The following PTPRO variants were observed in gnomAD, a reference collection of about 807,000 sequenced individuals.
The protein encoded by PTPRO is protein tyrosine phosphatase receptor type O.
A neutral mutation model predicts 145.2 loss-of-function variants in PTPRO; 62 were observed. The observed-to-expected ratio is 0.43, with a 90% confidence interval of 0.35 to 0.53. The LOEUF is 0.53. PTPRO is among the 20% of genes least tolerant of loss of function. The probability of loss-of-function intolerance (pLI) is 0.01; values close to 1 mark genes in which losing one functional copy is unlikely to be tolerated. For missense variants in PTPRO, 1,345 were observed against 1,482.7 expected, an observed-to-expected ratio of 0.91 and a Z score of 1.53; for synonymous variants, 565 against 514.7, an observed-to-expected ratio of 1.10 and a Z score of -1.32.
intron 1 of PTPRO, among the ~76,000 whole-genome samples, chr12:15,405,598 G>C (rs1317840053): frequency 6.6e-6 from 1 of 152,102 alleles, no homozygotes; most frequent in East Asian, 1.9e-4. Context: ...TCCATGAGGG[G>C]AGAAGATAAC....
intron 14 of PTPRO, 30 bp downstream of exon 14, chr12:15,549,256 T>C: frequency 6.5e-7 from 1 of 1,531,996 alleles, no homozygotes; most frequent in African/African-American, 1.4e-5. Flanking sequence ...TATAATTTTC[T>C]CACTTTTTTT....
At chr12:15,574,796 CAGTAAT>C (rs1358215103) in intron 19 of PTPRO, among the ~76,000 whole-genome samples, 11 of 152,108 alleles carry the variant, frequency 7.2e-5, no homozygotes, top group Admixed American at 7.2e-4. Flanking sequence ...GATTCAGAAA[CAGTAAT>C]AGTTATGCTT....
At position 15,497,420 on chromosome 12, in the gene PTPRO, A is replaced by T. The variant is rs1942129465; in HGVS notation, c.508+17A>T. On this transcript the variant is annotated intron_variant, in intron 3 of 26. Coordinates refer to ENST00000281171, the MANE Select transcript of PTPRO (RefSeq NM_030667.3). ...TATATAAAGGTAAGCAGCAAAAGGA[A>T]AGCTGAATCAATGATGACCCTCACT... The T allele has an allele frequency of 1.9e-6, 3 of 1,610,638 alleles. No homozygotes were observed. The highest frequency in any genetic ancestry group is 2.7e-5 in the African/African-American group (2 of 74,872).
chr12:15,463,510 T>G (rs1333019391), intron 1 of PTPRO, among the ~76,000 whole-genome samples: 1 of 152,112 alleles, frequency 6.6e-6, no homozygotes, highest in Non-Finnish European at 1.5e-5. Context: ...AGGAAACAAT[T>G]GAGATATTTA....
intron 2 of PTPRO, among the ~76,000 whole-genome samples, chr12:15,496,990 A>G (rs1378628865): frequency 6.6e-6 from 1 of 152,222 alleles, no homozygotes; most frequent in Non-Finnish European, 1.5e-5. Flanking sequence ...TGCTCTTCCT[A>G]GATCTCAGGA....
chr12:15,563,573 A>G (rs1943828211), intron 17 of PTPRO, among the ~76,000 whole-genome samples: 2 of 152,148 alleles, frequency 1.3e-5, no homozygotes, highest in Admixed American at 6.6e-5. Context: ...ACTTATGCCA[A>G]TAAGTATATG....
intron 1 of PTPRO, among the ~76,000 whole-genome samples, chr12:15,371,794 G>A (rs1391602549): frequency 6.6e-6 from 1 of 152,130 alleles, no homozygotes. Context: ...CCCCCATGCT[G>A]TTCTGACAGT....
At chr12:15,487,934 C>T (rs1424489016) in intron 2 of PTPRO, among the ~76,000 whole-genome samples, 1 of 152,178 alleles carries the variant, frequency 6.6e-6, no homozygotes, top group Non-Finnish European at 1.5e-5. Context: ...CCATTAAACT[C>T]GGAGCTGCTT....
chr12:15,344,475 A>C (rs886382439), intron 1 of PTPRO, among the ~76,000 whole-genome samples: 8 of 152,194 alleles, frequency 5.3e-5, no homozygotes, highest in African/African-American at 1.9e-4. Context: ...TCTTCCTCCT[A>C]ACTCAGCCAC....
intron 14 of PTPRO, among the ~76,000 whole-genome samples, chr12:15,550,064 T>G (rs567819093): frequency 6.6e-5 from 10 of 152,278 alleles, no homozygotes; most frequent in African/African-American, 2.4e-4. Flanking sequence ...AATGAGAGAC[T>G]TAGAAGTGCC....
At position 15,373,281 on chromosome 12, in the gene PTPRO, G is replaced by C. The variant is rs568045044; in HGVS notation, c.75+50480G>C. 3.3e-5 allele frequency among the ~76,000 whole-genome samples: 5 copies of C among 152,266 alleles called. No individual in the cohort carries two copies. The South Asian group carries it at 1.0e-3, about 32-fold the overall frequency. ...CATGATGGTGACAGCAAATTGTCTT[G>C]TGAGCAGCATACTATAGGACAGGAA... On this transcript the variant is annotated intron_variant, in intron 1 of 26. Coordinates refer to ENST00000281171, the MANE Select transcript of PTPRO (RefSeq NM_030667.3).
At chr12:15,572,252 T>C (rs1944069391) in intron 19 of PTPRO, among the ~76,000 whole-genome samples, 1 of 152,228 alleles carries the variant, frequency 6.6e-6, no homozygotes, top group Admixed American at 6.5e-5. Flanking sequence ...ATAATTCTTA[T>C]GGATTGAAAC....
chr12:15,415,577 G>GA (rs1565616342), intron 1 of PTPRO, among the ~76,000 whole-genome samples: 2 of 151,396 alleles, frequency 1.3e-5, no homozygotes, highest in Admixed American at 1.3e-4. Flanking sequence ...GTAGAGACGG[G>GA]GTTTCACTCA....
chr12:15,522,852 G>GATAT (rs1942754485), intron 10 of PTPRO, among the ~76,000 whole-genome samples: 1 of 152,180 alleles, frequency 6.6e-6, no homozygotes, highest in African/African-American at 2.4e-5. Flanking sequence ...TGAGAGGAAA[G>GATAT]ATATATACTT....
At chr12:15,561,936 C>G (rs951455432) in intron 17 of PTPRO, among the ~76,000 whole-genome samples, 3 of 152,084 alleles carry the variant, frequency 2.0e-5, no homozygotes, top group Admixed American at 6.6e-5. Flanking sequence ...TGAACATATG[C>G]TCAAATTTCA....
intron 1 of PTPRO, among the ~76,000 whole-genome samples, chr12:15,404,576 G>T (rs1211267249): frequency 6.6e-6 from 1 of 151,968 alleles, no homozygotes; most frequent in Non-Finnish European, 1.5e-5. Flanking sequence ...GATTTCTTTG[G>T]GTACCCAATG....
At chr12:15,387,122 T>C (rs1939051184) in intron 1 of PTPRO, among the ~76,000 whole-genome samples, 1 of 152,124 alleles carries the variant, frequency 6.6e-6, no homozygotes, top group South Asian at 2.1e-4. Context: ...GAAAAATTAT[T>C]CCATGTGTGC....
intron 12 of PTPRO, among the ~76,000 whole-genome samples, chr12:15,542,888 C>G (rs1196810159): frequency 6.6e-6 from 1 of 152,178 alleles, no homozygotes; most frequent in African/African-American, 2.4e-5. Context: ...CTGTGTTGGA[C>G]AATTCACATT....
chr12:15,554,844 C>T (rs979754533), intron 15 of PTPRO, among the ~76,000 whole-genome samples: 3 of 152,184 alleles, frequency 2.0e-5, no homozygotes, highest in African/African-American at 7.2e-5. Flanking sequence ...TTAACCATCA[C>T]AGAAATGTTA....
Sources: gnomAD v4.1 joint callset for allele counts (sites outside exome capture counted in the v4.1 genomes callset) on GRCh38, gnomAD v4.1.1 for gene constraint, MANE v1.5 for transcripts, NCBI Gene and HGNC (gene_info 2026-07-23, HGNC 2026-07-21) for gene names.